Variants in B3GAT2 observed in about 807,000 individuals in gnomAD.
B3GAT2 encodes galactosylgalactosylxylosylprotein 3-beta-glucuronosyltransferase 2.
B3GAT2 carries 26 observed loss-of-function variants against 27.8 expected under a neutral mutation model. The observed-to-expected ratio is 0.93, with a 90% CI of 0.68 to 1.30. B3GAT2 has a LOEUF of 1.30. Among genes scored for constraint, B3GAT2 ranks in the 50% most tolerant of loss-of-function variants. B3GAT2 has a pLI of 0.00. For synonymous variants in B3GAT2, 218 were observed against 195.1 expected, an observed-to-expected ratio of 1.12 and a Z score of -0.98; for missense variants, 458 against 459.0, an observed-to-expected ratio of 1.00 and a Z score of 0.02.
rs1371149271 is a variant in B3GAT2, at chr6:70,956,749, A to G, written c.-320T>C. 7 of 1,262,960 alleles carry G rather than the reference A, an allele frequency of 5.5e-6. No homozygotes were observed. In the African/African-American group the frequency reaches 6.4e-5, roughly 12 times the overall value. 78.2% of individuals were successfully genotyped at this position (1,262,960 alleles called of 1,614,324 possible). On this transcript the variant is annotated 5_prime_UTR_variant, in exon 1 of 4. Transcript: ENST00000230053. ...CCCGGAGTTGTGCCGAGTGCGGGAA[A>G]GGCGCTGATCCCCACCGCGCTCTTT...
chr6:70,868,324 C>G (rs185230678), intron 2 of B3GAT2, among the ~76,000 whole-genome samples: 2 of 152,130 alleles, frequency 1.3e-5, no homozygotes, highest in Non-Finnish European at 2.9e-5. Context: ...AAGGCTCCCA[C>G]CCCCACAAAA....
At position 70,956,881 on chromosome 6, in the gene B3GAT2, G is replaced by A; in HGVS notation, c.-452C>T. 9.8e-7 allele frequency: 1 copy of A among 1,021,026 alleles called. No homozygotes were observed. The highest frequency in any genetic ancestry group is 1.1e-4 in the East Asian group (1 of 9,028). The allele number at this position is 1,021,026 out of a possible 1,614,324, so 63.2% of individuals were successfully genotyped here. A position where few individuals can be genotyped will look rare whatever the true frequency, so the allele number is the denominator to read the frequency against. ...CCGCGGGCCCCCAGGACGCTCTCTGGGACGCCTTCGAGGGCGGGCGGCGGC... is the reference window on the plus strand; with the variant it reads ...CCGCGGGCCCCCAGGACGCTCTCTGAGACGCCTTCGAGGGCGGGCGGCGGC... On this transcript the variant is annotated 5_prime_UTR_variant, in exon 1 of 4. Transcript: ENST00000230053.
chr6:70,926,821 C>G lies in B3GAT2; in HGVS notation c.591+29018G>C, dbSNP rs4571528. ...CCAACATTCAAATTCAGGAAATACACAGAACGCCACAAAGATACTCCTCCA... is the reference window on the plus strand; with the variant it reads ...CCAACATTCAAATTCAGGAAATACAGAGAACGCCACAAAGATACTCCTCCA... On this transcript the variant is annotated intron_variant, in intron 1 of 3. Coordinates refer to ENST00000230053, the MANE Select transcript of B3GAT2 (RefSeq NM_080742.3). 3.2e-3 allele frequency among the ~76,000 whole-genome samples: 488 copies of G among 152,218 alleles called. 14 individuals are homozygous for G. The East Asian group carries it at 0.086, about 27-fold the overall frequency.
chr6:70,899,428 T>C (rs1335751531), intron 1 of B3GAT2, among the ~76,000 whole-genome samples: 1 of 152,250 alleles, frequency 6.6e-6, no homozygotes, highest in Non-Finnish European at 1.5e-5. Flanking sequence ...TCCAAATTAC[T>C]GAGAGCAGCT....
At chr6:70,868,724 C>G (rs946618710) in intron 2 of B3GAT2, among the ~76,000 whole-genome samples, 40 of 152,226 alleles carry the variant, frequency 2.6e-4, no homozygotes, top group African/African-American at 9.4e-4. Flanking sequence ...CTCTTTCCCC[C>G]CCCACGTTAA....
In B3GAT2 at chr6:70,859,479, G is replaced by C. The variant is rs1771604026; in HGVS notation, c.*2184C>G. On this transcript the variant is annotated 3_prime_UTR_variant, in exon 4 of 4. Coordinates refer to ENST00000230053, the MANE Select transcript of B3GAT2 (RefSeq NM_080742.3). ...CTGATTAGTGATGTAGTTTATGTTAGTGTCTTTGAAACTGTAAATAAGTCA... is the reference window on the plus strand; with the variant it reads ...CTGATTAGTGATGTAGTTTATGTTACTGTCTTTGAAACTGTAAATAAGTCA... 4.8e-5 allele frequency: 52 copies of C among 1,081,254 alleles called. 1 individual carries two copies. In the South Asian group the frequency reaches 5.7e-4, roughly 12 times the overall value. The allele number at this position is 1,081,254 out of a possible 1,614,324, so 67.0% of individuals were successfully genotyped here.
intron 2 of B3GAT2, among the ~76,000 whole-genome samples, chr6:70,885,925 G>A (rs1772176738): frequency 1.3e-5 from 2 of 152,104 alleles, no homozygotes; most frequent in Admixed American, 1.3e-4. Context: ...TACCTGCATG[G>A]ACCTCACCAC....
chr6:70,928,538 T>A (rs1168800694), intron 1 of B3GAT2, among the ~76,000 whole-genome samples: 1 of 152,022 alleles, frequency 6.6e-6, no homozygotes, highest in Non-Finnish European at 1.5e-5. Context: ...CAAACTACCA[T>A]CAGAGAATAC....
chr6:70,929,511 C>CA (rs1773024551), intron 1 of B3GAT2, among the ~76,000 whole-genome samples: 2 of 152,140 alleles, frequency 1.3e-5, no homozygotes, highest in South Asian at 4.1e-4. Flanking sequence ...TCTCAGGATA[C>CA]AAAATCAATG....
At chr6:70,895,785 A>G (rs1703226366) in intron 1 of B3GAT2, among the ~76,000 whole-genome samples, 1 of 151,980 alleles carries the variant, frequency 6.6e-6, no homozygotes, top group Non-Finnish European at 1.5e-5. Flanking sequence ...CATTTTTTCA[A>G]TAAATGAACT....
chr6:70,946,188 C>T (rs1765479924), intron 1 of B3GAT2, among the ~76,000 whole-genome samples: 1 of 151,928 alleles, frequency 6.6e-6, no homozygotes, highest in African/African-American at 2.4e-5. Context: ...AACCAGCTAA[C>T]ATCATAATGA....
chr6:70,938,572 C>T (rs1438313772), intron 1 of B3GAT2, among the ~76,000 whole-genome samples: 3 of 150,280 alleles, frequency 2.0e-5, no homozygotes, highest in East Asian at 3.9e-4. Flanking sequence ...ATCAATGGAA[C>T]AGAACAGAGC....
At chr6:70,909,168 A>T (rs989688002) in intron 1 of B3GAT2, among the ~76,000 whole-genome samples, 2 of 152,106 alleles carry the variant, frequency 1.3e-5, no homozygotes, top group Non-Finnish European at 2.9e-5. Flanking sequence ...ACACACACAC[A>T]TGCTAGGGCT....
chr6:70,920,138 C>T (rs1772843359), intron 1 of B3GAT2, among the ~76,000 whole-genome samples: 1 of 152,200 alleles, frequency 6.6e-6, no homozygotes, highest in African/African-American at 2.4e-5. Flanking sequence ...GTGGACGCCG[C>T]TCCCCACCCA....
chr6:70,861,536 A>ATGAC lies in B3GAT2; in HGVS notation c.*123_*126dup. 1 of 762,150 alleles carries ATGAC rather than the reference A, an allele frequency of 1.3e-6. No individual in the cohort carries two copies. The highest frequency in any genetic ancestry group is 2.2e-6 in the Non-Finnish European group (1 of 462,434). 47.2% of individuals were successfully genotyped at this position (762,150 alleles called of 1,614,324 possible). ...CTCCATTTAAACAGATGTCCATCAG[A>ATGAC]TGACAAGAAAGGCTGCTGTACTGAA... On this transcript the variant is annotated 3_prime_UTR_variant, in exon 4 of 4. Coordinates refer to ENST00000230053, the MANE Select transcript of B3GAT2 (RefSeq NM_080742.3).
At chr6:70,938,874 G>T (rs1343552458) in intron 1 of B3GAT2, among the ~76,000 whole-genome samples, 1 of 151,694 alleles carries the variant, frequency 6.6e-6, no homozygotes, top group Non-Finnish European at 1.5e-5. Flanking sequence ...AAAAGCATTG[G>T]CAACAAAAGC....
At chr6:70,943,354 C>T (rs1473776527) in intron 1 of B3GAT2, among the ~76,000 whole-genome samples, 1 of 152,208 alleles carries the variant, frequency 6.6e-6, no homozygotes, top group Non-Finnish European at 1.5e-5. Context: ...AGAACCAAGG[C>T]TCCTCCAAGC....
intron 1 of B3GAT2, among the ~76,000 whole-genome samples, chr6:70,947,746 C>T (rs566353376): frequency 0.079 from 12,016 of 151,680 alleles, 551 homozygotes; most frequent in Non-Finnish European, 0.11. Flanking sequence ...CCAGCATCAT[C>T]CTGATACCAA....
intron 1 of B3GAT2, among the ~76,000 whole-genome samples, chr6:70,912,963 G>A (rs1282819569): frequency 2.0e-5 from 3 of 152,098 alleles, no homozygotes; most frequent in African/African-American, 7.2e-5. Context: ...GCATAGAGGT[G>A]TTTGTAATAG....
Sources: gnomAD v4.1 joint callset for allele counts (sites outside exome capture counted in the v4.1 genomes callset) on GRCh38, gnomAD v4.1.1 for gene constraint, MANE v1.5 for transcripts, NCBI Gene and HGNC (gene_info 2026-07-23, HGNC 2026-07-21) for gene names.